SEMA5A: variants seen among roughly 807,000 people sequenced by gnomAD.
The protein encoded by SEMA5A is semaphorin-5A.
A neutral mutation model predicts 135.5 loss-of-function variants in SEMA5A; 55 were observed. The ratio of observed to expected loss-of-function variants is 0.41; its 90% confidence interval spans 0.33 to 0.51. SEMA5A has a LOEUF of 0.51. Among genes scored for constraint, SEMA5A ranks in the 20% least tolerant of loss-of-function variants. SEMA5A has a pLI of 0.37. For missense variants in SEMA5A, 1,290 were observed against 1,419.9 expected, an observed-to-expected ratio of 0.91 and a Z score of 1.47; for synonymous variants, 580 against 546.5, an observed-to-expected ratio of 1.06 and a Z score of -0.85.
chr5:9,197,004 C>T (rs1221570438), intron 10 of SEMA5A, among the ~76,000 whole-genome samples, 164 bp downstream of exon 10: 2 of 152,226 alleles, frequency 1.3e-5, no homozygotes, highest in African/African-American at 4.8e-5. Context: ...AGGCCTTGGT[C>T]TATTGACATT....
At chr5:9,110,349 A>G (rs1740171558) in intron 15 of SEMA5A, among the ~76,000 whole-genome samples, 1 of 152,186 alleles carries the variant, frequency 6.6e-6, no homozygotes, top group Admixed American at 6.5e-5. Context: ...CTCATATTTC[A>G]GTATGGGGTC....
chr5:9,172,333 T>C (rs1358295246), intron 11 of SEMA5A, among the ~76,000 whole-genome samples: 1 of 152,228 alleles, frequency 6.6e-6, no homozygotes, highest in Non-Finnish European at 1.5e-5. Context: ...ACGATTGCCA[T>C]TTAAAGACAG....
rs1737493896 is a variant in SEMA5A at position 9,066,720 on chromosome 5, AG to A, written c.2074-75del. The A allele has an allele frequency of 3.7e-6, 5 of 1,341,200 alleles. No individual in the cohort carries two copies. The South Asian group carries it at 6.0e-5, about 16-fold the overall frequency. 83.1% of individuals were successfully genotyped at this position (1,341,200 alleles called of 1,614,324 possible). On this transcript the variant is annotated intron_variant, in intron 16 of 22. Coordinates refer to ENST00000382496, the MANE Select transcript of SEMA5A (RefSeq NM_003966.3). ...ACCTCACGAAGGGCTCCTTTCCTTT[AG>A]GGAAAGATAAGGGTCTCTAAAACAC... is the stretch of plus-strand genomic sequence containing the variant.
intron 15 of SEMA5A, 119 bp from the exon 16 acceptor site, chr5:9,108,406 GC>G (rs1740044740): frequency 6.8e-6 from 8 of 1,180,942 alleles, no homozygotes; most frequent in Non-Finnish European, 9.6e-6. Context: ...GCGTGGAGGA[GC>G]TTTTTGTATT....
chr5:9,247,170 C>A (rs1485135634), intron 5 of SEMA5A, among the ~76,000 whole-genome samples: 2 of 152,098 alleles, frequency 1.3e-5, no homozygotes, highest in Admixed American at 6.6e-5. Context: ...TTTTATTTTA[C>A]TGATGTGAAT....
chr5:9,241,354 CAGACAT>C (rs1247748647), intron 5 of SEMA5A, among the ~76,000 whole-genome samples: 1 of 151,878 alleles, frequency 6.6e-6, no homozygotes, highest in African/African-American at 2.4e-5. Flanking sequence ...GAAGGAAAAA[CAGACAT>C]AGAGATACAC....
intron 5 of SEMA5A, among the ~76,000 whole-genome samples, chr5:9,252,193 G>A (rs1348143831): frequency 2.0e-5 from 3 of 152,206 alleles, no homozygotes; most frequent in East Asian, 3.9e-4. Context: ...GGGAAAGCGG[G>A]GAATGAAATG....
intron 5 of SEMA5A, among the ~76,000 whole-genome samples, chr5:9,314,895 C>T (rs567837556): frequency 4.7e-4 from 72 of 152,180 alleles, no homozygotes; most frequent in African/African-American, 1.7e-3. Context: ...CGTCTTCTTG[C>T]TTGGTGCTAT....
intron 13 of SEMA5A, among the ~76,000 whole-genome samples, chr5:9,124,255 G>A (rs956698570): frequency 2.6e-5 from 4 of 152,238 alleles, no homozygotes; most frequent in South Asian, 2.1e-4. Context: ...CTGGTGTGGC[G>A]GAGGCACCAG....
At chr5:9,353,984 AAAAAG>A (rs1754331284) in intron 3 of SEMA5A, among the ~76,000 whole-genome samples, 1 of 151,898 alleles carries the variant, frequency 6.6e-6, no homozygotes, top group African/African-American at 2.4e-5. Flanking sequence ...AAAAAAAAAA[AAAAAG>A]AAACAAAAGC....
intron 13 of SEMA5A, among the ~76,000 whole-genome samples, chr5:9,129,047 C>CA (rs1741265126): frequency 6.6e-6 from 1 of 152,184 alleles, no homozygotes; most frequent in South Asian, 2.1e-4. Flanking sequence ...TTTGGCCTAG[C>CA]ATGAATTAGT....
chr5:9,527,340 G>A (rs573135874), intron 1 of SEMA5A, among the ~76,000 whole-genome samples: 2 of 152,300 alleles, frequency 1.3e-5, no homozygotes, highest in East Asian at 1.9e-4. Context: ...AGGCTCCAGA[G>A]GATCTGGAAG....
intron 5 of SEMA5A, among the ~76,000 whole-genome samples, chr5:9,274,630 T>C (rs1750159586): frequency 6.6e-6 from 1 of 152,160 alleles, no homozygotes; most frequent in Admixed American, 6.5e-5. Context: ...TAAAAAACTG[T>C]CTCTCAGACC....
intron 2 of SEMA5A, 162 bp from the exon 3 acceptor site, chr5:9,380,185 CGTGT>C (rs776724588): frequency 2.0e-6 from 1 of 503,714 alleles, no homozygotes; most frequent in African/African-American, 1.9e-5. Flanking sequence ...TATCCCAGGT[CGTGT>C]GTGTGTATGA....
chr5:9,195,274 C>T (rs1467933372), intron 10 of SEMA5A, among the ~76,000 whole-genome samples: 1 of 152,098 alleles, frequency 6.6e-6, no homozygotes, highest in Non-Finnish European at 1.5e-5. Context: ...TCAAGCAGTC[C>T]TCCATCTCAG....
At chr5:9,259,104 G>A (rs1039389453) in intron 5 of SEMA5A, among the ~76,000 whole-genome samples, 1 of 152,130 alleles carries the variant, frequency 6.6e-6, no homozygotes, top group African/African-American at 2.4e-5. Context: ...TTACAGGCAT[G>A]AGCCACCAGG....
chr5:9,123,411 TGAA>T (rs1185129282), intron 13 of SEMA5A, among the ~76,000 whole-genome samples: 4 of 124,136 alleles, frequency 3.2e-5, no homozygotes, highest in African/African-American at 6.2e-5. Context: ...AAGAGGAAGA[TGAA>T]GAAGAAGAAG....
At chr5:9,341,736 C>T (rs994964540) in intron 3 of SEMA5A, among the ~76,000 whole-genome samples, 29 of 149,460 alleles carry the variant, frequency 1.9e-4, no homozygotes, top group Middle Eastern at 3.5e-3. Context: ...CAACTGAACA[C>T]TTGATAGATA....
At chr5:9,300,463 G>A (rs4702621) in intron 5 of SEMA5A, among the ~76,000 whole-genome samples, 128,258 of 152,132 alleles carry the variant, frequency 0.84, 55,688 homozygotes, top group Non-Finnish European at 0.95. Context: ...ATAGTAATTT[G>A]GAACAAATCT....
Sources: allele counts gnomAD v4.1 joint callset (sites outside exome capture counted in the v4.1 genomes callset), GRCh38; gene constraint gnomAD v4.1.1; transcripts MANE v1.5; gene names NCBI Gene and HGNC (gene_info 2026-07-23, HGNC 2026-07-21).